Variants in GIP observed in about 807,000 individuals in gnomAD.
GIP encodes glucose-dependent insulinotropic polypeptide.
Under a neutral mutation model 18.1 loss-of-function variants are expected in GIP, and 16 were observed. The observed-to-expected ratio is 0.88, with a 90% CI of 0.60 to 1.34. GIP has a LOEUF of 1.34. Ranked by LOEUF, GIP falls within the 40% of genes most tolerant of loss-of-function variation. The pLI is 0.00. For synonymous variants in GIP, 76 were observed against 74.0 expected, an observed-to-expected ratio of 1.03 and a Z score of -0.14; for missense variants, 192 against 183.4, an observed-to-expected ratio of 1.05 and a Z score of -0.27.
Position 48,964,458 on chromosome 17 carries a change from C to T in GIP, c.109G>A (p.Gly37Arg), listed in dbSNP as rs1193310626. ...GGGCTGCTCACCTTAGCATGAGATCCAACAGGCAGGGAGGGGAGAGCGCTG... is the reference window on the plus strand; with the variant it reads ...GGGCTGCTCACCTTAGCATGAGATCTAACAGGCAGGGAGGGGAGAGCGCTG... ...HFSALPSLPV[G>R]SHAKVSSPQP... Residue 37 changes from glycine to arginine, a missense_variant, in exon 3 of 6, where the codon GGA (glycine) becomes AGA (arginine). Gly to Arg is a moderately radical substitution (Grantham distance 125, BLOSUM62 -2). Coordinates refer to ENST00000357424, the MANE Select transcript of GIP (RefSeq NM_004123.3). The T allele has an allele frequency of 1.2e-6, 2 of 1,613,994 alleles. No individual in the cohort carries two copies. Among genetic ancestry groups the T allele is most frequent in the Non-Finnish European group, 8.5e-7 (1 of 1,179,924 alleles).
chr17:48,966,273 G>A (rs542132335), intron 2 of GIP, among the ~76,000 whole-genome samples: 226 of 146,218 alleles, frequency 1.5e-3, no homozygotes, highest in Non-Finnish European at 2.8e-3. Context: ...AAAAAAAAAG[G>A]GCCAGGCACA....
chr17:48,967,130 C>T lies in GIP; in HGVS notation c.86+17G>A, dbSNP rs188942459. On this transcript the variant is annotated intron_variant, in intron 2 of 5. Coordinates refer to ENST00000357424, the MANE Select transcript of GIP (RefSeq NM_004123.3). ...AACCCCTCCTCTGCCCCATCCCTTT[C>T]CTCTCACCACTCCTACCTGAAGTGA... 1.7e-3 allele frequency: 2,613 copies of T among 1,579,232 alleles called. 7 individuals are homozygous for T. The highest frequency in any genetic ancestry group is 5.3e-3 in the Middle Eastern group (32 of 6,000).
chr17:48,960,998 A>C lies in GIP; in HGVS notation c.351-11T>G, dbSNP rs141253314. 27 of 1,583,980 alleles carry C rather than the reference A, an allele frequency of 1.7e-5. No individual in the cohort carries two copies. Among genetic ancestry groups the C allele is most frequent in the Non-Finnish European group, 2.2e-5 (26 of 1,159,852 alleles). ...TTCTTGGCTGGGGAGCTGCAAGGGAACAGTCTCTGGCTAACTATTTTAGCC... is the reference window on the plus strand; with the variant it reads ...TTCTTGGCTGGGGAGCTGCAAGGGACCAGTCTCTGGCTAACTATTTTAGCC... On this transcript the variant is annotated splice_polypyrimidine_tract_variant and intron_variant, in intron 4 of 5. Coordinates refer to ENST00000357424, the MANE Select transcript of GIP (RefSeq NM_004123.3).
intron 3 of GIP, 27 bp downstream of exon 3, chr17:48,964,283 A>G (rs1383226840): frequency 2.5e-6 from 4 of 1,587,998 alleles, no homozygotes; most frequent in Non-Finnish European, 3.5e-6. Context: ...GGCACAGGGA[A>G]CAGGAGGAGT....
At chr17:48,961,911 G>T in intron 3 of GIP, 92 bp from the exon 4 acceptor site, 1 of 890,210 alleles carries the variant, frequency 1.1e-6, no homozygotes, top group East Asian at 2.6e-5. Context: ...CAAAAGCAGA[G>T]GGTACCTTTT....
At position 48,960,897 on chromosome 17, in the gene GIP, G is replaced by C. The variant is rs2041197014; in HGVS notation, c.441C>G (p.Leu147=). ...CCACACTCCCCTACCTGAGCCTGCA[G>C]AGGTTTGTCTGATCCAGCAAGCAGG... The part of the protein sequence containing the change: ...LLACLLDQTN[L]CRLRSR The change falls in exon 5 of 6, where the codon CTC becomes CTG. Residue 147 remains leucine, a synonymous_variant. Transcript: ENST00000357424. The C allele has an allele frequency of 3.1e-6, 5 of 1,596,430 alleles. No individual in the cohort carries two copies. The highest frequency in any genetic ancestry group is 4.3e-6 in the Non-Finnish European group (5 of 1,169,578).
In GIP at chr17:48,966,296, C is replaced by T. The variant is rs187941529; in HGVS notation, c.86+851G>A. On this transcript the variant is annotated intron_variant, in intron 2 of 5. Transcript: ENST00000357424. ...AGGGCCAGGCACAGGGATTACATGC[C>T]TTCAATCCCAGCGCTTTGGGAGGCC... 5.0e-3 allele frequency among the ~76,000 whole-genome samples: 745 copies of T among 149,476 alleles called. 2 individuals are homozygous for T. The highest frequency in any genetic ancestry group is 8.1e-3 in the Non-Finnish European group (550 of 67,526).
rs2041239824 is a variant in GIP, at chr17:48,967,198, A to G, written c.35T>C (p.Leu12Pro). 5.6e-6 allele frequency: 9 copies of G among 1,613,076 alleles called. No homozygotes were observed. The highest frequency in any genetic ancestry group is 1.1e-5 in the South Asian group (1 of 91,062). The stretch of plus-strand genomic sequence containing the variant: ...TAGTCCCACTGCCAGGAACAGGGAC[A>G]GCAGCAGCAGAGCAAAGGTCTTCGT... ...VATKTFALLL[L>P]SLFLAVGLGE... Residue 12 changes from leucine to proline, a missense_variant, in exon 2 of 6, where the codon CTG becomes CCG. Transcript: ENST00000357424.
intron 3 of GIP, among the ~76,000 whole-genome samples, chr17:48,962,516 G>A (rs944193097): frequency 6.6e-6 from 1 of 151,984 alleles, no homozygotes; most frequent in African/African-American, 2.4e-5. Flanking sequence ...TTACAGGCAC[G>A]TGCCACCACA....
At chr17:48,961,377 AAC>A (rs1199370070) in intron 4 of GIP, among the ~76,000 whole-genome samples, 1 of 152,082 alleles carries the variant, frequency 6.6e-6, no homozygotes, top group East Asian at 1.9e-4. Context: ...CTCTTTCACA[AAC>A]AGTCTTCCCG....
chr17:48,962,931 C>T (rs1054215763), intron 3 of GIP, among the ~76,000 whole-genome samples: 2 of 150,910 alleles, frequency 1.3e-5, no homozygotes, highest in African/African-American at 4.9e-5. Context: ...GGTGAAGCCC[C>T]GTCTCTACTA....
chr17:48,961,930 AC>A, intron 3 of GIP, 111 bp from the exon 4 acceptor site: 1 of 730,520 alleles, frequency 1.4e-6, no homozygotes, highest in Non-Finnish European at 2.4e-6. Context: ...TTTCCACTCA[AC>A]CCCACCTAAC....
intron 1 of GIP, among the ~76,000 whole-genome samples, chr17:48,967,683 G>A (rs2041242629): frequency 6.6e-6 from 1 of 151,808 alleles, no homozygotes; most frequent in East Asian, 2.0e-4. Flanking sequence ...TAAGAGCCTG[G>A]GGCAACACCA....
chr17:48,961,002 T>G lies in GIP; in HGVS notation c.351-15A>C. The G allele has an allele frequency of 1.3e-6, 2 of 1,575,844 alleles. No homozygotes were observed. The highest frequency in any genetic ancestry group is 2.7e-5 in the African/African-American group (2 of 74,484). On this transcript the variant is annotated splice_polypyrimidine_tract_variant and intron_variant, in intron 4 of 5. Coordinates refer to ENST00000357424, the MANE Select transcript of GIP (RefSeq NM_004123.3). ...TGGCTGGGGAGCTGCAAGGGAACAG[T>G]CTCTGGCTAACTATTTTAGCCTGAG... is the stretch of plus-strand genomic sequence containing the variant.
intron 2 of GIP, among the ~76,000 whole-genome samples, chr17:48,966,752 G>A (rs1240927617): frequency 6.6e-6 from 1 of 151,980 alleles, no homozygotes; most frequent in Non-Finnish European, 1.5e-5. Flanking sequence ...GCTGCAGTGA[G>A]CTGCGATCAC....
intron 1 of GIP, among the ~76,000 whole-genome samples, chr17:48,967,521 G>A (rs1207867233): frequency 1.3e-5 from 2 of 151,464 alleles, no homozygotes; most frequent in Admixed American, 1.3e-4. Context: ...CACCACTCCC[G>A]GCTAATTTTT....
intron 5 of GIP, among the ~76,000 whole-genome samples, chr17:48,960,652 C>T (rs1264270524): frequency 6.6e-6 from 1 of 152,150 alleles, no homozygotes; most frequent in East Asian, 1.9e-4. Context: ...CAGGTCTCCA[C>T]TTGAATTGTC....
rs570063806 is a variant in GIP at position 48,959,100 on chromosome 17, C to A, written c.453-384G>T. ...CGATCTCCTGACCTCATGATCCACC[C>A]TCCTCGGCCTCCCAAAGTCCTGGGA... On this transcript the variant is annotated intron_variant, in intron 5 of 5. Coordinates refer to ENST00000357424, the MANE Select transcript of GIP (RefSeq NM_004123.3). Among the ~76,000 whole-genome samples, 20 of 151,996 alleles carry A rather than the reference C, an allele frequency of 1.3e-4. No homozygotes were observed. In the South Asian group the frequency reaches 1.9e-3, roughly 14 times the overall value.
rs367741847 is a variant in GIP, at chr17:48,964,409, G to A, written c.158C>T (p.Ala53Val). 8.0e-5 allele frequency: 129 copies of A among 1,613,670 alleles called. 1 individual carries two copies. The highest frequency in any genetic ancestry group is 1.6e-4 in the Middle Eastern group (1 of 6,084). ...GTAGTCACTGATGAAAGTCCCTTCC[G>A]CGTACCTGGGGCCTCGAGGTTGAGG... ...SSPQPRGPRY[A>V]EGTFISDYSI... Residue 53 changes from alanine (A) to valine (V), a missense_variant, in exon 3 of 6, where the codon GCG (alanine) becomes GTG (valine). Physicochemically the swap from Ala to Val is moderately conservative, Grantham distance 64. Transcript: ENST00000357424.
Sources: allele counts gnomAD v4.1 joint callset (sites outside exome capture counted in the v4.1 genomes callset), GRCh38; gene constraint gnomAD v4.1.1; transcripts MANE v1.5; gene names NCBI Gene and HGNC (gene_info 2026-07-23, HGNC 2026-07-21).